The following SLCO1B1 variants were observed in gnomAD, a reference collection of about 807,000 sequenced individuals.
The protein encoded by SLCO1B1 is OATP-2.
In SLCO1B1, 81 loss-of-function variants were observed where a neutral mutation model predicts 70.1. The observed-to-expected ratio is 1.16, with a 90% CI of 0.97 to 1.39. The LOEUF (loss-of-function observed/expected upper bound fraction) is 1.39, where lower values mean the gene tolerates loss of function less well. Among genes scored for constraint, SLCO1B1 ranks in the 40% most tolerant of loss-of-function variants. SLCO1B1 has a pLI of 0.00. For missense variants in SLCO1B1, 895 were observed against 799.6 expected (o/e 1.12, Z -1.44); for synonymous variants, 283 against 271.5 (o/e 1.04, Z -0.42).
At chr12:21,134,213 T>G (rs1016494003) in intron 1 of SLCO1B1, among the ~76,000 whole-genome samples, 26 of 152,316 alleles carry the variant, frequency 1.7e-4, no homozygotes, top group South Asian at 1.7e-3. Context: ...AGCTTTTTGA[T>G]GTGCTGTTGG....
At chr12:21,201,815 C>A (rs1051418016) in intron 9 of SLCO1B1, among the ~76,000 whole-genome samples, 3 of 152,132 alleles carry the variant, frequency 2.0e-5, no homozygotes, top group African/African-American at 7.2e-5. Flanking sequence ...TTGGCAGGAA[C>A]AAATTACACA....
At chr12:21,228,367 C>T (rs1000781328) in intron 14 of SLCO1B1, among the ~76,000 whole-genome samples, 1 of 151,968 alleles carries the variant, frequency 6.6e-6, no homozygotes, top group African/African-American at 2.4e-5. Context: ...GAAGATATTA[C>T]TCTATTGTCT....
intron 10 of SLCO1B1, among the ~76,000 whole-genome samples, chr12:21,205,518 C>T (rs575419191): frequency 6.6e-6 from 1 of 151,804 alleles, no homozygotes; most frequent in South Asian, 2.1e-4. Context: ...TGAAGAGAAA[C>T]TCAGTCTCAG....
At chr12:21,150,959 CAT>C (rs1181831668) in intron 2 of SLCO1B1, among the ~76,000 whole-genome samples, 4 of 152,120 alleles carry the variant, frequency 2.6e-5, no homozygotes, top group African/African-American at 9.7e-5. Flanking sequence ...GATATATAGT[CAT>C]GTGTCATTTA....
At chr12:21,164,746 A>G (rs1208474779) in intron 2 of SLCO1B1, 3 of 454,656 alleles carry the variant, frequency 6.6e-6, no homozygotes, top group Admixed American at 2.4e-5. Context: ...TGTCTTCAAT[A>G]TCTAAGCTTC....
intron 2 of SLCO1B1, among the ~76,000 whole-genome samples, chr12:21,168,681 T>A (rs1940721848): frequency 6.6e-6 from 1 of 152,196 alleles, no homozygotes; most frequent in African/African-American, 2.4e-5. Flanking sequence ...TCTTTGTATA[T>A]CTTCTTTGCA....
intron 2 of SLCO1B1, among the ~76,000 whole-genome samples, chr12:21,147,094 C>G (rs1940397021): frequency 6.6e-6 from 1 of 152,062 alleles, no homozygotes; most frequent in Non-Finnish European, 1.5e-5. Context: ...TAGTTTGCAG[C>G]TCTGTTGTTT....
chr12:21,174,478 C>A, intron 3 of SLCO1B1, 99 bp from the exon 4 acceptor site: 1 of 1,084,630 alleles, frequency 9.2e-7, no homozygotes, highest in African/African-American at 1.6e-5. Flanking sequence ...TGAGGGAAGG[C>A]ACTATGTCTT....
chr12:21,152,899 G>A (rs925836530), intron 2 of SLCO1B1, among the ~76,000 whole-genome samples: 16 of 152,266 alleles, frequency 1.1e-4, no homozygotes, highest in African/African-American at 3.8e-4. Flanking sequence ...TCAAGCTCCT[G>A]GAGGGAAAAC....
intron 13 of SLCO1B1, among the ~76,000 whole-genome samples, chr12:21,223,295 G>A (rs1941448722): frequency 6.6e-6 from 1 of 152,082 alleles, no homozygotes; most frequent in Admixed American, 6.5e-5. Flanking sequence ...TACACATTTA[G>A]TACAAAACTT....
At chr12:21,171,209 A>G (rs548264142) in intron 2 of SLCO1B1, among the ~76,000 whole-genome samples, 5 of 152,344 alleles carry the variant, frequency 3.3e-5, no homozygotes, top group Admixed American at 2.0e-4. Flanking sequence ...AAATACGACT[A>G]TGGGGAAGAG....
intron 7 of SLCO1B1, among the ~76,000 whole-genome samples, chr12:21,186,283 T>C (rs886776805): frequency 1.3e-5 from 2 of 152,128 alleles, no homozygotes; most frequent in Non-Finnish European, 2.9e-5. Context: ...CTGTAATATA[T>C]ACGTTACTGC....
intron 12 of SLCO1B1, among the ~76,000 whole-genome samples, chr12:21,220,119 G>T (rs1941405330): frequency 6.6e-6 from 1 of 152,172 alleles, no homozygotes; most frequent in African/African-American, 2.4e-5. Flanking sequence ...AATGTGGCAT[G>T]TGAGAAAGAT....
chr12:21,229,288 ATTGTAC>A (rs1941510279), intron 14 of SLCO1B1, among the ~76,000 whole-genome samples: 1 of 151,118 alleles, frequency 6.6e-6, no homozygotes, highest in Non-Finnish European at 1.5e-5. Context: ...CACTCTTGAC[ATTGTAC>A]TTTTATGGGT....
At chr12:21,183,798 A>C (rs1940932254) in intron 7 of SLCO1B1, among the ~76,000 whole-genome samples, 1 of 152,206 alleles carries the variant, frequency 6.6e-6, no homozygotes, top group Non-Finnish European at 1.5e-5. Flanking sequence ...CTGGATGGCA[A>C]GAAAGCTCAT....
chr12:21,211,840 T>C (rs1362338759), intron 11 of SLCO1B1, among the ~76,000 whole-genome samples: 1 of 152,056 alleles, frequency 6.6e-6, no homozygotes, highest in Non-Finnish European at 1.5e-5. Context: ...TTTTCTAGTT[T>C]ATTTGCGTAG....
At chr12:21,145,608 C>A (rs997705192) in intron 2 of SLCO1B1, among the ~76,000 whole-genome samples, 1 of 150,154 alleles carries the variant, frequency 6.7e-6, no homozygotes, top group African/African-American at 2.5e-5. Flanking sequence ...TATGAGCCAT[C>A]ACATCTGGAA....
At chr12:21,135,620 G>T (rs1199555991) in intron 1 of SLCO1B1, among the ~76,000 whole-genome samples, 2 of 151,858 alleles carry the variant, frequency 1.3e-5, no homozygotes, top group Admixed American at 6.6e-5. Context: ...ATCTTTGTTG[G>T]TATAAAGTCT....
intron 13 of SLCO1B1, among the ~76,000 whole-genome samples, chr12:21,224,077 G>T (rs752302717): frequency 6.6e-6 from 1 of 152,092 alleles, no homozygotes; most frequent in Non-Finnish European, 1.5e-5. Flanking sequence ...GCTTCAGGAG[G>T]TATTTACAAA....
Sources: allele counts gnomAD v4.1 joint callset (sites outside exome capture counted in the v4.1 genomes callset), GRCh38; gene constraint gnomAD v4.1.1; transcripts MANE v1.5; gene names NCBI Gene and HGNC (gene_info 2026-07-23, HGNC 2026-07-21).